Variants in SCARA5 observed in about 807,000 individuals in gnomAD.
SCARA5 encodes scavenger receptor class A member 5.
A neutral mutation model predicts 46.3 loss-of-function variants in SCARA5; 45 were observed. The observed-to-expected ratio is 0.97, with a 90% CI of 0.76 to 1.24. The LOEUF (loss-of-function observed/expected upper bound fraction) is 1.24, where lower values mean the gene tolerates loss of function less well. Among genes scored for constraint, SCARA5 ranks in the 50% most tolerant of loss-of-function variants. The pLI is 0.00. For missense variants in SCARA5, 680 were observed against 689.0 expected (o/e 0.99, Z 0.15); for synonymous variants, 333 against 306.5 (o/e 1.09, Z -0.90).
intron 3 of SCARA5, among the ~76,000 whole-genome samples, chr8:27,924,593 GTC>G (rs1270828084): frequency 6.6e-6 from 1 of 152,214 alleles, no homozygotes; most frequent in African/African-American, 2.4e-5. Flanking sequence ...GCTTACACCA[GTC>G]TCTCCATCTT....
At chr8:27,981,768 G>C (rs893610250) in intron 2 of SCARA5, among the ~76,000 whole-genome samples, 1 of 152,200 alleles carries the variant, frequency 6.6e-6, no homozygotes, top group African/African-American at 2.4e-5. Context: ...TGGCTCCCCC[G>C]GGGACCACAG....
At chr8:27,969,487 C>G (rs1279501912) in intron 2 of SCARA5, among the ~76,000 whole-genome samples, 1 of 152,042 alleles carries the variant, frequency 6.6e-6, no homozygotes, top group African/African-American at 2.4e-5. Context: ...CCGTGGTTGC[C>G]AGGGATTGGG....
chr8:27,943,124 C>T (rs541195983), intron 3 of SCARA5, among the ~76,000 whole-genome samples: 3 of 152,242 alleles, frequency 2.0e-5, no homozygotes, highest in Admixed American at 1.3e-4. Flanking sequence ...ATAGAAGCAC[C>T]AAGAGGTTGG....
chr8:27,894,964 AC>A (rs1004457309), intron 7 of SCARA5, among the ~76,000 whole-genome samples: 2 of 151,914 alleles, frequency 1.3e-5, no homozygotes, highest in African/African-American at 4.8e-5. Flanking sequence ...GTCACTAAAT[AC>A]CCCAAAACCT....
chr8:27,879,174 A>G (rs543206386), intron 8 of SCARA5, among the ~76,000 whole-genome samples: 1 of 152,338 alleles, frequency 6.6e-6, no homozygotes, highest in Middle Eastern at 3.4e-3. Context: ...CATGTTGAGA[A>G]CATAGGCTGG....
chr8:27,961,689 C>G (rs951174195), intron 3 of SCARA5, among the ~76,000 whole-genome samples: 1 of 152,012 alleles, frequency 6.6e-6, no homozygotes, highest in Admixed American at 6.5e-5. Context: ...TTGTAACCAG[C>G]GTGAAGTCTA....
chr8:27,926,233 G>C (rs1478343278), intron 3 of SCARA5, among the ~76,000 whole-genome samples: 1 of 152,176 alleles, frequency 6.6e-6, no homozygotes, highest in African/African-American at 2.4e-5. Flanking sequence ...TTAAGAAAAT[G>C]TGGCACATAT....
chr8:27,901,198 C>G (rs980442924), intron 7 of SCARA5, among the ~76,000 whole-genome samples: 4 of 152,198 alleles, frequency 2.6e-5, no homozygotes, highest in Admixed American at 6.5e-5. Context: ...TTCCACGTCC[C>G]TAGTGAGGGG....
chr8:27,984,560 T>C (rs1489908480), intron 2 of SCARA5, among the ~76,000 whole-genome samples: 19 of 108,754 alleles, frequency 1.7e-4, no homozygotes, highest in Admixed American at 6.3e-4. Context: ...ATCCATTCAT[T>C]CACCCATCCA....
At chr8:27,983,340 G>A (rs1808652880) in intron 2 of SCARA5, among the ~76,000 whole-genome samples, 1 of 152,198 alleles carries the variant, frequency 6.6e-6, no homozygotes, top group African/African-American at 2.4e-5. Context: ...GTCTGTTGGG[G>A]GTGCCAGCAG....
At chr8:27,940,097 C>T (rs1376705046) in intron 3 of SCARA5, among the ~76,000 whole-genome samples, 1 of 152,228 alleles carries the variant, frequency 6.6e-6, no homozygotes, top group Non-Finnish European at 1.5e-5. Flanking sequence ...TTTCAAACAG[C>T]TCACCATCAT....
At chr8:27,973,677 C>T (rs1010408483) in intron 2 of SCARA5, among the ~76,000 whole-genome samples, 7 of 152,162 alleles carry the variant, frequency 4.6e-5, no homozygotes, top group African/African-American at 1.7e-4. Context: ...CCTGGATGCT[C>T]ACTCTCTGAT....
chr8:27,887,130 C>T (rs1247934953), intron 7 of SCARA5, among the ~76,000 whole-genome samples: 1 of 152,144 alleles, frequency 6.6e-6, no homozygotes, highest in Non-Finnish European at 1.5e-5. Flanking sequence ...GCAATGGGAC[C>T]CCAGGCTTTC....
intron 2 of SCARA5, among the ~76,000 whole-genome samples, chr8:27,984,595 T>C (rs1362053261): frequency 2.2e-5 from 3 of 134,540 alleles, no homozygotes; most frequent in Non-Finnish European, 4.8e-5. Context: ...CATTCATTCA[T>C]CCATCCATTC....
At chr8:27,972,372 G>C (rs1808462009) in intron 2 of SCARA5, among the ~76,000 whole-genome samples, 1 of 151,868 alleles carries the variant, frequency 6.6e-6, no homozygotes, top group Admixed American at 6.6e-5. Flanking sequence ...AAAAAAAGTA[G>C]ACACTTTAAC....
intron 3 of SCARA5, among the ~76,000 whole-genome samples, chr8:27,925,996 T>G (rs551811423): frequency 2.0e-5 from 3 of 152,340 alleles, no homozygotes; most frequent in African/African-American, 7.2e-5. Flanking sequence ...TTTACACTGT[T>G]GGTGGGAGTG....
chr8:27,885,327 T>C (rs1445857546), intron 7 of SCARA5, among the ~76,000 whole-genome samples: 1 of 152,208 alleles, frequency 6.6e-6, no homozygotes, highest in Non-Finnish European at 1.5e-5. Context: ...CCTTGTCTTT[T>C]AGATCTCAGC....
Position 27,972,707 on chromosome 8 carries a change from T to A in SCARA5, c.113-6165A>T, listed in dbSNP as rs184755641. On this transcript the variant is annotated intron_variant, in intron 2 of 8. Coordinates refer to ENST00000354914, the MANE Select transcript of SCARA5 (RefSeq NM_173833.6). Reference sequence around the variant, plus strand: ...AATCTGACCCTATCTCTACAAAAAATTTTTTTAATTAGCCTAGGATGGTGG... The same window carrying A: ...AATCTGACCCTATCTCTACAAAAAAATTTTTTAATTAGCCTAGGATGGTGG... Among the ~76,000 whole-genome samples the A allele has an allele frequency of 3.0e-3, 450 of 152,110 alleles. 2 individuals are homozygous for A. Among genetic ancestry groups the A allele is most frequent in the Admixed American group, 4.0e-3 (61 of 15,290 alleles).
At chr8:27,985,268 G>A (rs759936142) in intron 2 of SCARA5, among the ~76,000 whole-genome samples, 13 of 152,174 alleles carry the variant, frequency 8.5e-5, no homozygotes, top group Non-Finnish European at 1.6e-4. Context: ...AGTCCTGGGG[G>A]AGGTGAGAGC....
Sources: gnomAD v4.1 joint callset for allele counts (sites outside exome capture counted in the v4.1 genomes callset) on GRCh38, gnomAD v4.1.1 for gene constraint, MANE v1.5 for transcripts, NCBI Gene and HGNC (gene_info 2026-07-23, HGNC 2026-07-21) for gene names.